Variants in PPP5C observed in about 807,000 individuals in gnomAD.
PPP5C encodes the protein protein phosphatase 5 catalytic subunit, also known as serine/threonine-protein phosphatase 5.
PPP5C carries 21 observed loss-of-function variants against 66.7 expected under a neutral mutation model. The ratio of observed to expected loss-of-function variants is 0.31; its 90% CI spans 0.22 to 0.45. The LOEUF (loss-of-function observed/expected upper bound fraction) is 0.45, where lower values mean the gene tolerates loss of function less well. Among genes scored for constraint, PPP5C ranks in the 20% least tolerant of loss-of-function variants. The pLI is 1.00. For synonymous variants in PPP5C, 246 were observed against 257.4 expected, an observed-to-expected ratio of 0.96 and a Z score of 0.43; for missense variants, 464 against 675.9, an observed-to-expected ratio of 0.69 and a Z score of 3.48.
At chr19:46,384,433 C>A (rs754515782) in intron 6 of PPP5C, 1 of 292,544 alleles carries the variant, frequency 3.4e-6, no homozygotes, top group African/African-American at 2.1e-5. Flanking sequence ...TAGGCCTATG[C>A]ATTGTTGAGT....
intron 11 of PPP5C, 54 bp from the exon 12 acceptor site, chr19:46,389,997 C>T (rs1972985003): frequency 6.4e-6 from 10 of 1,555,798 alleles, no homozygotes; most frequent in Middle Eastern, 1.7e-4. Flanking sequence ...TCTCTTAACC[C>T]ACCAGCCCCA....
Position 46,347,165 on chromosome 19 carries a change from A to G in PPP5C, c.69A>G (p.Gly23=), listed in dbSNP as rs1359768987. 25 of 1,605,882 alleles carry G rather than the reference A, an allele frequency of 1.6e-5. No homozygotes were observed. Among genetic ancestry groups the G allele is most frequent in the South Asian group, 4.5e-5 (4 of 89,692 alleles). ...EPPRDEPPAD[G]ALKRAEELKT... ...CCCGGGACGAACCCCCGGCTGATGG[A>G]GCTCTGAAGCGGGCAGAGGAGCTCA... is the stretch of plus-strand genomic sequence containing the variant. The change falls in exon 1 of 13, where the codon GGA becomes GGG. Residue 23 remains glycine, a synonymous_variant. Coordinates refer to ENST00000012443, the MANE Select transcript of PPP5C (RefSeq NM_006247.4).
At chr19:46,379,922 T>A (rs1049612975) in intron 4 of PPP5C, among the ~76,000 whole-genome samples, 21 of 152,234 alleles carry the variant, frequency 1.4e-4, no homozygotes, top group African/African-American at 4.6e-4. Context: ...GAACCCTGGA[T>A]GAAAAAGGCT....
At chr19:46,355,871 C>T (rs545252851) in intron 2 of PPP5C, among the ~76,000 whole-genome samples, 9 of 151,466 alleles carry the variant, frequency 5.9e-5, no homozygotes, top group African/African-American at 1.9e-4. Flanking sequence ...GCCCCAAGGA[C>T]AGGTTTAGGG....
At chr19:46,349,829 G>T (rs1210544692) in intron 1 of PPP5C, among the ~76,000 whole-genome samples, 2 of 151,234 alleles carry the variant, frequency 1.3e-5, no homozygotes, top group Non-Finnish European at 1.5e-5. Flanking sequence ...GCTGCCTGGA[G>T]AGAGGGTGGA....
At chr19:46,367,577 C>T (rs902481066) in intron 2 of PPP5C, among the ~76,000 whole-genome samples, 3 of 152,174 alleles carry the variant, frequency 2.0e-5, no homozygotes, top group African/African-American at 7.2e-5. Context: ...CTCACCCACA[C>T]TGGAGGGTCC....
chr19:46,383,270 G>GCCTGC lies in PPP5C; in HGVS notation c.634-132_634-128dup. Reference sequence around the variant, plus strand: ...GCCCCGCCTGCTCCCGCTCCCCCAGGCCTGCCCTGCCCTTTTTCTTCTCTC... The same window carrying GCCTGC: ...GCCCCGCCTGCTCCCGCTCCCCCAGGCCTGCCCTGCCCTGCCCTTTTTCTTCTCTC... On this transcript the variant is annotated intron_variant, in intron 4 of 12. Coordinates refer to ENST00000012443, the MANE Select transcript of PPP5C (RefSeq NM_006247.4). The surrounding 1 kb of genome is among the most constrained non-coding windows in gnomAD (Gnocchi z 5.0). 1 of 1,546,806 alleles carries GCCTGC rather than the reference G, an allele frequency of 6.5e-7. No homozygotes were observed. The highest frequency in any genetic ancestry group is 8.7e-7 in the Non-Finnish European group (1 of 1,145,938).
chr19:46,364,018 C>T (rs954915017), intron 2 of PPP5C, among the ~76,000 whole-genome samples: 1 of 152,006 alleles, frequency 6.6e-6, no homozygotes, highest in Non-Finnish European at 1.5e-5. Flanking sequence ...GGACAGACAG[C>T]GGTACATCAA....
intron 1 of PPP5C, among the ~76,000 whole-genome samples, chr19:46,347,586 TGGGTGCCGCCAAGTGGG>T (rs1176754353): frequency 2.5e-5 from 2 of 80,574 alleles, no homozygotes; most frequent in Non-Finnish European, 4.9e-5. Context: ...AGTCCTGGGG[TGGGTGCCGCCAAGTGGG>T]GGGTAGAGGG....
At chr19:46,385,748 C>T (rs1972872392) in intron 7 of PPP5C, among the ~76,000 whole-genome samples, 1 of 151,444 alleles carries the variant, frequency 6.6e-6, no homozygotes, top group African/African-American at 2.4e-5. Context: ...CCACTGCACT[C>T]CAGCCTAGTC....
intron 2 of PPP5C, among the ~76,000 whole-genome samples, chr19:46,361,456 T>C (rs1601419500): frequency 4.1e-5 from 6 of 145,896 alleles, no homozygotes; most frequent in South Asian, 2.3e-4. Flanking sequence ...CTTTTACTAA[T>C]ACTACACCAG....
At position 46,376,664 on chromosome 19, in the gene PPP5C, G is replaced by A; in HGVS notation, c.633+90G>A. On this transcript the variant is annotated intron_variant, in intron 4 of 12. Transcript: ENST00000012443. This position sits in a 1 kb window ranked among gnomAD's most constrained non-coding sequence, Gnocchi z 5.1. ...GCGGGCACTGAGCAAAACGACAGGA[G>A]AAGGGCGGCCATGACAGCCAACACC... 1 of 1,538,278 alleles carries A rather than the reference G, an allele frequency of 6.5e-7. No individual in the cohort carries two copies. The highest frequency in any genetic ancestry group is 1.4e-5 in the African/African-American group (1 of 73,248).
intron 2 of PPP5C, 140 bp from the exon 3 acceptor site, chr19:46,375,464 C>A: frequency 2.3e-6 from 3 of 1,300,254 alleles, no homozygotes; most frequent in Non-Finnish European, 3.1e-6. Flanking sequence ...CAGTTAAATA[C>A]GTCTAGGGTT....
chr19:46,374,339 C>A (rs888794657), intron 2 of PPP5C, among the ~76,000 whole-genome samples: 1 of 152,164 alleles, frequency 6.6e-6, no homozygotes, highest in African/African-American at 2.4e-5. Flanking sequence ...CAGAGGCCAC[C>A]CCTGCTCCTT....
chr19:46,380,533 G>A (rs1370072112), intron 4 of PPP5C, among the ~76,000 whole-genome samples: 1 of 152,088 alleles, frequency 6.6e-6, no homozygotes, highest in Non-Finnish European at 1.5e-5. Context: ...TCTTCCATAT[G>A]TGAGTTTCTA....
chr19:46,369,513 T>C (rs1006050974), intron 2 of PPP5C, among the ~76,000 whole-genome samples: 2 of 151,340 alleles, frequency 1.3e-5, no homozygotes, highest in Non-Finnish European at 2.9e-5. Context: ...GTGCCTGTAG[T>C]CCTAGCCACT....
chr19:46,347,349 G>A (rs1443199812), intron 1 of PPP5C, 132 bp downstream of exon 1: 3 of 1,357,276 alleles, frequency 2.2e-6, no homozygotes, highest in East Asian at 5.3e-5. Context: ...GCGTGGGGAG[G>A]CCCAGGATGG....
chr19:46,357,295 A>G (rs1972303344), intron 2 of PPP5C, among the ~76,000 whole-genome samples: 2 of 152,130 alleles, frequency 1.3e-5, no homozygotes, highest in South Asian at 4.2e-4. Flanking sequence ...GAATTTGCCC[A>G]CCTTAGCCTC....
rs1361684994 is a variant in PPP5C, at chr19:46,390,790, C to T, written c.*444C>T. On this transcript the variant is annotated 3_prime_UTR_variant, in exon 13 of 13. Transcript: ENST00000012443. ...GGTGGGGCTAGGCTGGGGCTCACCCCCCTCCCCAGCTATTTTATGTCTGTA... is the reference window on the plus strand; with the variant it reads ...GGTGGGGCTAGGCTGGGGCTCACCCTCCTCCCCAGCTATTTTATGTCTGTA... 1.8e-5 allele frequency: 20 copies of T among 1,126,026 alleles called. No individual in the cohort carries two copies. The highest frequency in any genetic ancestry group is 2.1e-5 in the Non-Finnish European group (19 of 909,136). 69.8% of individuals were successfully genotyped at this position (1,126,026 alleles called of 1,614,324 possible).
Sources: gnomAD v4.1 joint callset for allele counts (sites outside exome capture counted in the v4.1 genomes callset) on GRCh38, gnomAD v4.1.1 for gene constraint, Gnocchi (gnomAD v3.1) non-coding constraint, MANE v1.5 for transcripts, NCBI Gene and HGNC (gene_info 2026-07-23, HGNC 2026-07-21) for gene names.